SLC9B1: variants seen among roughly 807,000 people sequenced by gnomAD.
SLC9B1 encodes sodium/hydrogen exchanger 9B1.
A neutral mutation model predicts 51.7 loss-of-function variants in SLC9B1; 32 were observed. That is an observed-to-expected ratio of 0.62 (90% CI 0.47 to 0.83). The LOEUF (loss-of-function observed/expected upper bound fraction) is 0.83, where lower values mean the gene tolerates loss of function less well. Ranked by LOEUF, SLC9B1 falls within the 40% of genes least tolerant of loss-of-function variation. The pLI is 0.00. For missense variants in SLC9B1, 406 were observed against 613.2 expected (o/e 0.66, Z 3.57); for synonymous variants, 145 against 212.7 (o/e 0.68, Z 2.77).
intron 11 of SLC9B1, among the ~76,000 whole-genome samples, chr4:102,902,012 T>C (rs756653526): frequency 1.3e-5 from 2 of 152,282 alleles, no homozygotes; most frequent in African/African-American, 2.4e-5. Context: ...ATTCAGATAG[T>C]AGTAAGTTTC....
intron 1 of SLC9B1, among the ~76,000 whole-genome samples, chr4:103,000,466 C>T (rs1242813461): frequency 1.3e-5 from 2 of 152,198 alleles, no homozygotes; most frequent in Non-Finnish European, 2.9e-5. Context: ...AAGTTCCTTC[C>T]ACCTATGATT....
chr4:102,951,960 C>CTTTTTTTTTTTTTTTTT, intron 3 of SLC9B1, among the ~76,000 whole-genome samples: 1 of 6,550 alleles, frequency 1.5e-4, no homozygotes, highest in Non-Finnish European at 3.1e-4. Context: ...AAAATAAAAT[C>CTTTTTTTTTTTTTTTTT]TTTTTTTTTT....
intron 3 of SLC9B1, among the ~76,000 whole-genome samples, chr4:102,957,166 T>A (rs986838424): frequency 6.6e-6 from 1 of 151,926 alleles, no homozygotes; most frequent in Non-Finnish European, 1.5e-5. Context: ...AATAAACAGA[T>A]CCTCAGAAAC....
intron 3 of SLC9B1, among the ~76,000 whole-genome samples, chr4:102,970,056 A>G (rs1738667723): frequency 6.6e-6 from 1 of 152,184 alleles, no homozygotes; most frequent in Non-Finnish European, 1.5e-5. Context: ...CAAGTTGGAA[A>G]ACACTCTTCA....
intron 3 of SLC9B1, among the ~76,000 whole-genome samples, chr4:102,965,403 G>T (rs1738370351): frequency 6.6e-6 from 1 of 152,180 alleles, no homozygotes; most frequent in Non-Finnish European, 1.5e-5. Context: ...TGTACAATGG[G>T]TTGCTTTATA....
intron 7 of SLC9B1, among the ~76,000 whole-genome samples, chr4:102,921,385 C>T (rs1735869522): frequency 6.6e-6 from 1 of 152,168 alleles, no homozygotes; most frequent in South Asian, 2.1e-4. Context: ...ACCACCAGGC[C>T]TGCCTTACAA....
intron 7 of SLC9B1, among the ~76,000 whole-genome samples, chr4:102,924,728 T>C (rs1388205819): frequency 1.3e-5 from 2 of 151,830 alleles, no homozygotes; most frequent in Non-Finnish European, 2.9e-5. Context: ...TCAAACCCCA[T>C]CAAAAAGTAG....
intron 1 of SLC9B1, among the ~76,000 whole-genome samples, chr4:103,014,483 T>G (rs1208007402): frequency 6.6e-6 from 1 of 152,228 alleles, no homozygotes; most frequent in Non-Finnish European, 1.5e-5. Context: ...GTATACAGAA[T>G]GTGGTAAATA....
chr4:102,904,316 TC>T (rs1734924724), intron 11 of SLC9B1, among the ~76,000 whole-genome samples: 1 of 152,058 alleles, frequency 6.6e-6, no homozygotes, highest in African/African-American at 2.4e-5. Flanking sequence ...TGCCTCAGCC[TC>T]CCGAAGTGCT....
At chr4:102,996,071 T>C (rs753532601) in intron 1 of SLC9B1, among the ~76,000 whole-genome samples, 9 of 152,192 alleles carry the variant, frequency 5.9e-5, no homozygotes, top group Non-Finnish European at 4.4e-5. Context: ...CAGATCTTTG[T>C]CAACTTTAGT....
chr4:102,896,449 A>C (rs1734543658), downstream of SLC9B1, among the ~76,000 whole-genome samples: 1 of 152,194 alleles, frequency 6.6e-6, no homozygotes, highest in African/African-American at 2.4e-5. Context: ...TCTCAAAATA[A>C]ATAAAGCCAA....
intron 11 of SLC9B1, among the ~76,000 whole-genome samples, chr4:102,895,133 G>C (rs1189844895): frequency 2.6e-5 from 4 of 152,056 alleles, no homozygotes; most frequent in East Asian, 1.9e-4. Context: ...ACCTACTATA[G>C]AACTATTGGA....
chr4:102,886,018 T>C (rs534186574), intron 11 of SLC9B1, among the ~76,000 whole-genome samples: 1 of 152,292 alleles, frequency 6.6e-6, no homozygotes, highest in East Asian at 1.9e-4. Flanking sequence ...CATAGATTAT[T>C]TGAGGTTTTT....
chr4:102,927,708 G>T (rs774589122), intron 7 of SLC9B1, among the ~76,000 whole-genome samples: 2 of 152,070 alleles, frequency 1.3e-5, no homozygotes, highest in Non-Finnish European at 2.9e-5. Flanking sequence ...CATTTGACCC[G>T]GCAATCCCAT....
chr4:102,977,158 G>C (rs1424570264), intron 3 of SLC9B1, among the ~76,000 whole-genome samples: 1 of 146,524 alleles, frequency 6.8e-6, no homozygotes, highest in Non-Finnish European at 1.5e-5. Context: ...TCCAAAAAAA[G>C]AAAAAAAAAG....
intron 3 of SLC9B1, chr4:102,962,350 G>T: frequency 1.9e-6 from 1 of 538,782 alleles, no homozygotes. Context: ...GGATATTATG[G>T]AAAGGTTCAT....
intron 1 of SLC9B1, among the ~76,000 whole-genome samples, chr4:102,998,149 T>G (rs1740324024): frequency 1.3e-5 from 2 of 152,156 alleles, no homozygotes; most frequent in Non-Finnish European, 2.9e-5. Context: ...ACTGTGTATG[T>G]ATTAATTAAA....
At chr4:102,996,777 T>C (rs1269041663) in intron 1 of SLC9B1, among the ~76,000 whole-genome samples, 1 of 152,042 alleles carries the variant, frequency 6.6e-6, no homozygotes, top group Admixed American at 6.6e-5. Flanking sequence ...TAGGCTAACA[T>C]TATGCTAGTG....
At chr4:102,979,046 C>T (rs1190715863) in intron 3 of SLC9B1, among the ~76,000 whole-genome samples, 1 of 152,128 alleles carries the variant, frequency 6.6e-6, no homozygotes, top group Non-Finnish European at 1.5e-5. Context: ...CTACTTATGA[C>T]AGGGTAAAAA....
Sources: gnomAD v4.1 joint callset for allele counts (sites outside exome capture counted in the v4.1 genomes callset) on GRCh38, gnomAD v4.1.1 for gene constraint, MANE v1.5 for transcripts, NCBI Gene and HGNC (gene_info 2026-07-23, HGNC 2026-07-21) for gene names.